Variants in CNTNAP2 observed in about 807,000 individuals in gnomAD.
The protein encoded by CNTNAP2 is contactin associated protein 2.
In CNTNAP2, 98 loss-of-function variants were observed where a neutral mutation model predicts 155.2. The observed-to-expected ratio is 0.63, with a 90% confidence interval of 0.54 to 0.75. CNTNAP2 has a LOEUF of 0.75. Ranked by LOEUF, CNTNAP2 falls within the 30% of genes least tolerant of loss-of-function variation. The pLI, the probability that CNTNAP2 is intolerant of heterozygous loss-of-function variation, is 0.00. For synonymous variants in CNTNAP2, 651 were observed against 631.2 expected (o/e 1.03, Z -0.47); for missense variants, 1,727 against 1,688.1 (o/e 1.02, Z -0.40).
At chr7:146,824,873 T>TA (rs1264826859) in intron 2 of CNTNAP2, among the ~76,000 whole-genome samples, 5 of 151,376 alleles carry the variant, frequency 3.3e-5, no homozygotes, top group Middle Eastern at 3.2e-3. Context: ...TTTTTTTTTT[T>TA]TTTATTTGAT....
chr7:147,997,580 C>T (rs1157448637), intron 15 of CNTNAP2, among the ~76,000 whole-genome samples: 2 of 150,376 alleles, frequency 1.3e-5, no homozygotes, highest in African/African-American at 2.4e-5. Flanking sequence ...AAAATTTAAA[C>T]AAGAGACGCA....
intron 21 of CNTNAP2, among the ~76,000 whole-genome samples, chr7:148,278,354 C>T (rs1796913116): frequency 6.6e-6 from 1 of 152,002 alleles, no homozygotes; most frequent in South Asian, 2.1e-4. Flanking sequence ...ATCACGAGGT[C>T]AGGAGATTGT....
At chr7:147,962,471 G>C (rs1756030690) in intron 14 of CNTNAP2, among the ~76,000 whole-genome samples, 1 of 152,094 alleles carries the variant, frequency 6.6e-6, no homozygotes, top group African/African-American at 2.4e-5. Context: ...CATTACCTGG[G>C]AAAAAGTATG....
intron 21 of CNTNAP2, among the ~76,000 whole-genome samples, chr7:148,304,523 G>A (rs1275899679): frequency 1.3e-5 from 2 of 152,146 alleles, no homozygotes; most frequent in African/African-American, 2.4e-5. Flanking sequence ...AAAACAATGA[G>A]TATTTTAGGC....
At chr7:147,029,165 A>G (rs34873692) in intron 3 of CNTNAP2, among the ~76,000 whole-genome samples, 17,859 of 151,456 alleles carry the variant, frequency 0.12, 1,116 homozygotes, top group Middle Eastern at 0.17. Context: ...GGATTTCACC[A>G]TGTTAGCCAG....
intron 13 of CNTNAP2, among the ~76,000 whole-genome samples, chr7:147,893,246 C>T (rs28517705): frequency 0.039 from 5,963 of 151,948 alleles, 373 homozygotes; most frequent in African/African-American, 0.14. Context: ...TTTTAAAGTT[C>T]TTAATTTAAA....
At chr7:148,090,131 A>G (rs748566218) in intron 15 of CNTNAP2, among the ~76,000 whole-genome samples, 17 of 152,076 alleles carry the variant, frequency 1.1e-4, no homozygotes, top group Non-Finnish European at 2.1e-4. Flanking sequence ...CTTAAATGTG[A>G]CACCTGAAAC....
intron 1 of CNTNAP2, among the ~76,000 whole-genome samples, chr7:146,701,653 A>AT (rs1342094702): frequency 2.0e-5 from 3 of 150,454 alleles, no homozygotes; most frequent in Non-Finnish European, 2.9e-5. Context: ...TGATTGTTAA[A>AT]TTTTTGTATA....
chr7:147,665,905 G>A (rs576481660), intron 13 of CNTNAP2, among the ~76,000 whole-genome samples: 1 of 152,014 alleles, frequency 6.6e-6, no homozygotes, highest in Non-Finnish European at 1.5e-5. Context: ...ATGTCTTTGT[G>A]TATTCTAACA....
At chr7:148,203,676 C>T (rs1795401875) in intron 18 of CNTNAP2, among the ~76,000 whole-genome samples, 1 of 152,008 alleles carries the variant, frequency 6.6e-6, no homozygotes, top group African/African-American at 2.4e-5. Context: ...ACCCGGTAGG[C>T]AGAGGTTGCA....
chr7:147,454,856 C>T (rs947479594), intron 10 of CNTNAP2, among the ~76,000 whole-genome samples: 4 of 152,006 alleles, frequency 2.6e-5, no homozygotes, highest in African/African-American at 7.2e-5. Context: ...GAGATCCCGA[C>T]GACCTTTAAT....
chr7:146,362,654 A>G (rs900149254), intron 1 of CNTNAP2, among the ~76,000 whole-genome samples: 1 of 152,214 alleles, frequency 6.6e-6, no homozygotes, highest in Non-Finnish European at 1.5e-5. Context: ...TAAGCTAAAA[A>G]TAAAGAAGCT....
At chr7:146,979,654 A>AT (rs1181251859) in intron 3 of CNTNAP2, among the ~76,000 whole-genome samples, 1 of 152,160 alleles carries the variant, frequency 6.6e-6, no homozygotes, top group Non-Finnish European at 1.5e-5. Context: ...GTGTTGAGCC[A>AT]TAAGTCCAAA....
At chr7:146,244,256 C>A (rs993419533) in intron 1 of CNTNAP2, among the ~76,000 whole-genome samples, 1 of 152,126 alleles carries the variant, frequency 6.6e-6, no homozygotes, top group East Asian at 1.9e-4. Flanking sequence ...TTGGGGATAG[C>A]ACCAGGAGGT....
At chr7:146,360,551 G>A (rs986264) in intron 1 of CNTNAP2, among the ~76,000 whole-genome samples, 72,232 of 152,042 alleles carry the variant, frequency 0.48, 19,968 homozygotes, top group African/African-American at 0.77. Context: ...TGAATTTAGA[G>A]AGCAATTTAT....
intron 1 of CNTNAP2, among the ~76,000 whole-genome samples, chr7:146,442,084 T>G: frequency 6.6e-6 from 1 of 151,744 alleles, no homozygotes; most frequent in Non-Finnish European, 1.5e-5. Flanking sequence ...TGTTTGTGTA[T>G]ATTTCTGTGT....
intron 18 of CNTNAP2, among the ~76,000 whole-genome samples, chr7:148,187,941 C>T (rs569223708): frequency 6.6e-6 from 1 of 152,178 alleles, no homozygotes; most frequent in South Asian, 2.1e-4. Context: ...CAACTTCACC[C>T]CCTACCCATC....
At chr7:146,906,056 A>T (rs1796117321) in intron 3 of CNTNAP2, among the ~76,000 whole-genome samples, 2 of 152,216 alleles carry the variant, frequency 1.3e-5, no homozygotes, top group Non-Finnish European at 2.9e-5. Flanking sequence ...GCACCTGGAA[A>T]ATCGGGTCAC....
At chr7:146,511,538 T>C (rs1797466263) in intron 1 of CNTNAP2, among the ~76,000 whole-genome samples, 1 of 152,194 alleles carries the variant, frequency 6.6e-6, no homozygotes, top group Non-Finnish European at 1.5e-5. Context: ...TCTATGGAAA[T>C]AAACATTTTT....
Sources: allele counts gnomAD v4.1 joint callset (sites outside exome capture counted in the v4.1 genomes callset), GRCh38; gene constraint gnomAD v4.1.1; transcripts MANE v1.5; gene names NCBI Gene and HGNC (gene_info 2026-07-23, HGNC 2026-07-21).